Variants in EDA observed in about 807,000 individuals in gnomAD.
EDA encodes ectodysplasin A, also known as ectodysplasin-A.
In EDA, 2 loss-of-function variants were observed where a neutral mutation model predicts 23.6. That is an observed-to-expected ratio of 0.08 (90% confidence interval 0.03 to 0.27). EDA has a LOEUF of 0.27. Ranked by LOEUF, EDA falls within the 10% of genes least tolerant of loss-of-function variation. The probability of loss-of-function intolerance (pLI) is 1.00; values close to 1 mark genes in which losing one functional copy is unlikely to be tolerated. For synonymous variants in EDA, 131 were observed against 132.0 expected (o/e 0.99, Z 0.05); for missense variants, 229 against 324.2 (o/e 0.71, Z 2.26).
At chrX:69,711,157 G>T (rs1305715849) in intron 1 of EDA, among the ~76,000 whole-genome samples, 1 of 110,966 alleles carries the variant, frequency 9.0e-6, no homozygotes, top group African/African-American at 3.3e-5. Flanking sequence ...ATTATTTTGA[G>T]ATACGTCCCA....
chrX:69,907,601 T>TA (rs1005345500), intron 1 of EDA, among the ~76,000 whole-genome samples: 28 of 109,968 alleles, frequency 2.5e-4, no homozygotes, highest in Middle Eastern at 4.7e-3. Context: ...CAGAGCCTTG[T>TA]AAAAAAAAAT....
chrX:69,770,583 T>C (rs1382156209), intron 1 of EDA, among the ~76,000 whole-genome samples: 3 of 111,764 alleles, frequency 2.7e-5, no homozygotes, highest in Non-Finnish European at 5.6e-5. Flanking sequence ...GGATTTTTTT[T>C]AACTGTTGAG....
At chrX:69,778,919 A>C (rs1210461628) in intron 1 of EDA, among the ~76,000 whole-genome samples, 1 of 111,837 alleles carries the variant, frequency 8.9e-6, no homozygotes, top group South Asian at 3.7e-4. Flanking sequence ...GACAGAATTC[A>C]TAAGATTTCT....
At chrX:69,696,239 CAAA>C (rs367811835) in intron 1 of EDA, among the ~76,000 whole-genome samples, 1 of 89,920 alleles carries the variant, frequency 1.1e-5, no homozygotes. Context: ...AACTCTGTCT[CAAA>C]AAAAAAAAAA....
chrX:69,976,211 A>G (rs17311385), intron 2 of EDA, among the ~76,000 whole-genome samples: 10,032 of 111,854 alleles, frequency 0.09, 856 homozygotes, highest in East Asian at 0.62. Context: ...GCTCCCAGAT[A>G]TAGACACGGT....
intron 1 of EDA, among the ~76,000 whole-genome samples, chrX:69,771,160 G>A (rs760095568): frequency 7.3e-5 from 7 of 95,313 alleles, no homozygotes; most frequent in African/African-American, 1.4e-4. Flanking sequence ...AGGTTCAAGC[G>A]ATTCTCCTGC....
chrX:69,922,658 G>A (rs767448032), intron 1 of EDA, among the ~76,000 whole-genome samples: 4 of 112,001 alleles, frequency 3.6e-5, no homozygotes, highest in Non-Finnish European at 7.5e-5. Context: ...CTTTCAAAGT[G>A]TTAGGCTTTT....
chrX:69,666,060 C>T (rs914143554), intron 1 of EDA, among the ~76,000 whole-genome samples: 2 of 111,300 alleles, frequency 1.8e-5, no homozygotes, highest in East Asian at 2.8e-4. Context: ...AGTATGTTTT[C>T]GATGCTATCA....
At chrX:69,790,604 G>A (rs2015376992) in intron 1 of EDA, among the ~76,000 whole-genome samples, 1 of 111,182 alleles carries the variant, frequency 9.0e-6, no homozygotes, top group Admixed American at 9.6e-5. Context: ...AACAAAGGAT[G>A]AATCACCTGG....
intron 1 of EDA, among the ~76,000 whole-genome samples, chrX:69,778,637 T>C (rs1167205990): frequency 9.0e-6 from 1 of 111,605 alleles, no homozygotes; most frequent in Non-Finnish European, 1.9e-5. Flanking sequence ...GGCTGTTAAG[T>C]ACAGTAATCA....
At chrX:69,813,355 A>C (rs761545464) in intron 1 of EDA, among the ~76,000 whole-genome samples, 1 of 110,814 alleles carries the variant, frequency 9.0e-6, no homozygotes, top group East Asian at 2.9e-4. Context: ...CCATCACCCC[A>C]CACCAACCTT....
At chrX:69,678,000 A>T (rs1934170775) in intron 1 of EDA, among the ~76,000 whole-genome samples, 1 of 110,986 alleles carries the variant, frequency 9.0e-6, no homozygotes, top group South Asian at 3.8e-4. Context: ...ATTTTTGTAT[A>T]AGGTGTAAGG....
chrX:69,881,927 T>C (rs2017754450), intron 1 of EDA, among the ~76,000 whole-genome samples: 1 of 109,994 alleles, frequency 9.1e-6, no homozygotes, highest in South Asian at 4.0e-4. Flanking sequence ...AACTCACTCA[T>C]TACCACAAGG....
chrX:69,959,486 C>G (rs754528068), intron 2 of EDA, among the ~76,000 whole-genome samples: 10 of 112,051 alleles, frequency 8.9e-5, no homozygotes, highest in African/African-American at 3.2e-4. Flanking sequence ...TCTTGTTACT[C>G]TGATGAGCGT....
At chrX:69,904,938 G>T (rs1348020547) in intron 1 of EDA, among the ~76,000 whole-genome samples, 1 of 112,191 alleles carries the variant, frequency 8.9e-6, no homozygotes, top group African/African-American at 3.2e-5. Flanking sequence ...TTGATGAACA[G>T]TTAGGTTGCT....
chrX:69,711,169 C>T (rs2012007015), intron 1 of EDA, among the ~76,000 whole-genome samples: 1 of 111,343 alleles, frequency 9.0e-6, no homozygotes, highest in African/African-American at 3.3e-5. Flanking sequence ...TACGTCCCAT[C>T]AATACCTAAC....
chrX:69,652,108 G>C (rs146867904), intron 1 of EDA, among the ~76,000 whole-genome samples: 70 of 111,605 alleles, frequency 6.3e-4, no homozygotes, highest in Non-Finnish European at 1.0e-3. Context: ...ACCTGTTTGA[G>C]ATCTGTGATT....
chrX:69,780,963 A>G (rs971666998), intron 1 of EDA, among the ~76,000 whole-genome samples: 4 of 112,045 alleles, frequency 3.6e-5, no homozygotes, highest in Non-Finnish European at 5.6e-5. Flanking sequence ...AGATTTGTCT[A>G]TGATGTACAT....
chrX:69,943,322 G>T (rs1225024088), intron 1 of EDA, among the ~76,000 whole-genome samples: 1 of 111,416 alleles, frequency 9.0e-6, no homozygotes, highest in Non-Finnish European at 1.9e-5. Context: ...TCTTGGGAGG[G>T]CTTTCCAGGT....
Sources: gnomAD v4.1 joint callset for allele counts (sites outside exome capture counted in the v4.1 genomes callset) on GRCh38, gnomAD v4.1.1 for gene constraint, MANE v1.5 for transcripts, NCBI Gene and HGNC (gene_info 2026-07-23, HGNC 2026-07-21) for gene names.